RFX6: variants seen among roughly 807,000 people sequenced by gnomAD.
RFX6 encodes the protein DNA-binding protein RFX6.
A neutral mutation model predicts 110.8 loss-of-function variants in RFX6; 50 were observed. The observed-to-expected ratio is 0.45, with a 90% CI of 0.36 to 0.57. RFX6 has a LOEUF of 0.57. Among genes scored for constraint, RFX6 ranks in the 20% least tolerant of loss-of-function variants. The probability of loss-of-function intolerance (pLI) is 0.00; values close to 1 mark genes in which losing one functional copy is unlikely to be tolerated. For synonymous variants in RFX6, 383 were observed against 411.2 expected (o/e 0.93, Z 0.83); for missense variants, 990 against 1,127.0 (o/e 0.88, Z 1.74).
intron 4 of RFX6, chr6:116,885,179 T>C (rs1205803282): frequency 6.6e-6 from 1 of 152,194 alleles, no homozygotes; most frequent in Non-Finnish European, 1.5e-5. Context: ...GAATCTGATG[T>C]TTCCATGTAT....
Position 116,925,651 on chromosome 6 carries a change from C to A in RFX6, c.1877C>A (p.Pro626Gln). The A allele has an allele frequency of 5.0e-6, 8 of 1,611,952 alleles. No homozygotes were observed. The highest frequency in any genetic ancestry group is 6.8e-6 in the Non-Finnish European group (8 of 1,178,092). The change falls in exon 16 of 19, where the codon CCG becomes CAG. Residue 626 changes from proline to glutamine, a missense_variant. Physicochemically the swap from Pro to Gln is moderately conservative, Grantham distance 76. Coordinates refer to ENST00000332958, the MANE Select transcript of RFX6 (RefSeq NM_173560.4). ...CCTGCTGGGAACACAGACAACATGC[C>A]GCTCACAGGTACGCTAAAGAGAACT... The part of the protein sequence containing the change: ...QFPAGNTDNM[P>Q]LTGQMELSQI...
intron 4 of RFX6, among the ~76,000 whole-genome samples, chr6:116,890,317 C>A (rs1243639106): frequency 6.6e-6 from 1 of 152,136 alleles, no homozygotes; most frequent in Non-Finnish European, 1.5e-5. Context: ...CAATTCTTTG[C>A]ATGTAATAGA....
At chr6:116,921,815 CCTGT>C (rs1775603958) in intron 12 of RFX6, among the ~76,000 whole-genome samples, 1 of 151,850 alleles carries the variant, frequency 6.6e-6, no homozygotes, top group Non-Finnish European at 1.5e-5. Flanking sequence ...AAAGCAAGAT[CCTGT>C]CTCTCTCTCT....
chr6:116,923,416 A>G, intron 14 of RFX6, 192 bp downstream of exon 14: 1 of 582,304 alleles, frequency 1.7e-6, no homozygotes, highest in Non-Finnish European at 3.1e-6. Context: ...AATCCTAACA[A>G]TGATTGTCTC....
chr6:116,900,287 G>T (rs141800151), intron 6 of RFX6, among the ~76,000 whole-genome samples: 2,200 of 151,930 alleles, frequency 0.014, 47 homozygotes, highest in African/African-American at 0.051. Flanking sequence ...ATGGAGTCTT[G>T]CTCTGTCACC....
intron 4 of RFX6, among the ~76,000 whole-genome samples, chr6:116,885,720 G>GT (rs149496347): frequency 1.4e-3 from 206 of 151,412 alleles, no homozygotes; most frequent in East Asian, 0.013. Context: ...GTTTTATTAA[G>GT]TTTTTTTTTA....
At chr6:116,930,921 A>G (rs1188708973) in intron 18 of RFX6, among the ~76,000 whole-genome samples, 3 of 152,128 alleles carry the variant, frequency 2.0e-5, no homozygotes, top group African/African-American at 7.2e-5. Context: ...CAGCAATATC[A>G]TTCTGGTTGC....
chr6:116,899,173 A>G (rs376957025), intron 6 of RFX6, among the ~76,000 whole-genome samples: 1 of 149,930 alleles, frequency 6.7e-6, no homozygotes, highest in African/African-American at 2.4e-5. Flanking sequence ...GCCTATTTGG[A>G]AAAAAAAAAT....
chr6:116,924,243 T>G (rs545910582), intron 14 of RFX6, among the ~76,000 whole-genome samples: 2 of 152,202 alleles, frequency 1.3e-5, no homozygotes, highest in Non-Finnish European at 2.9e-5. Flanking sequence ...TTACTTGACT[T>G]TTTTCAGACC....
chr6:116,921,587 G>C (rs1223208778), intron 12 of RFX6, among the ~76,000 whole-genome samples: 4 of 152,074 alleles, frequency 2.6e-5, no homozygotes, highest in African/African-American at 9.7e-5. Context: ...AGAGGCTGAG[G>C]TGGGAAGATT....
chr6:116,920,571 T>A, intron 12 of RFX6, 117 bp downstream of exon 12: 1 of 866,570 alleles, frequency 1.2e-6, no homozygotes, highest in East Asian at 2.5e-5. Context: ...TTTAGCAGCA[T>A]CCTTGACCTT....
intron 1 of RFX6, 127 bp downstream of exon 1, chr6:116,877,625 T>C (rs1458424572): frequency 9.4e-7 from 1 of 1,062,052 alleles, no homozygotes; most frequent in Non-Finnish European, 1.4e-6. Flanking sequence ...CAAATCTTTG[T>C]ATTTCCTCAG....
At chr6:116,887,967 C>T (rs1464994678) in intron 4 of RFX6, among the ~76,000 whole-genome samples, 1 of 152,120 alleles carries the variant, frequency 6.6e-6, no homozygotes, top group East Asian at 1.9e-4. Context: ...TTTTTGTAGA[C>T]TTTGATCAGC....
chr6:116,928,904 T>C lies in RFX6; in HGVS notation c.2544T>C (p.Gly848=), dbSNP rs778879048. 17 of 1,613,744 alleles carry C rather than the reference T, an allele frequency of 1.1e-5. No individual in the cohort carries two copies. Among genetic ancestry groups the C allele is most frequent in the Non-Finnish European group, 1.4e-5 (16 of 1,179,754 alleles). ...CACTTAACATTTTAGATGACAGTGG[T>C]AGAAAACAGACCAGCTCGTTTTACA... is the stretch of plus-strand genomic sequence containing the variant. ...HDPLNILDDS[G]RKQTSSFYTD... The change falls in exon 18 of 19, where the codon GGT becomes GGC. Residue 848 remains glycine (G), a synonymous_variant. Coordinates refer to ENST00000332958, the MANE Select transcript of RFX6 (RefSeq NM_173560.4).
chr6:116,929,332 G>T (rs1562150234), intron 18 of RFX6, among the ~76,000 whole-genome samples: 2 of 151,924 alleles, frequency 1.3e-5, no homozygotes, highest in African/African-American at 4.8e-5. Context: ...GATTAGTGTT[G>T]GACCCAGTTG....
At chr6:116,924,987 T>A (rs573425772) in intron 15 of RFX6, among the ~76,000 whole-genome samples, 196 bp downstream of exon 15, 1 of 152,326 alleles carries the variant, frequency 6.6e-6, no homozygotes, top group Admixed American at 6.5e-5. Flanking sequence ...TAGTCAAAAG[T>A]ACTTTACTGG....
At chr6:116,930,708 G>A (rs1164311436) in intron 18 of RFX6, among the ~76,000 whole-genome samples, 2 of 152,090 alleles carry the variant, frequency 1.3e-5, no homozygotes, top group African/African-American at 2.4e-5. Context: ...ATGCAGAACC[G>A]CTGAAATCAG....
intron 16 of RFX6, 128 bp from the exon 17 acceptor site, chr6:116,926,898 AT>A: frequency 2.4e-6 from 2 of 841,182 alleles, no homozygotes; most frequent in Non-Finnish European, 1.9e-6. Flanking sequence ...CAGTTTAGTT[AT>A]TTTTGGAGGG....
chr6:116,893,313 G>A (rs1774870174), intron 4 of RFX6, among the ~76,000 whole-genome samples: 1 of 152,270 alleles, frequency 6.6e-6, no homozygotes, highest in South Asian at 2.1e-4. Flanking sequence ...TGACTTAGGA[G>A]AATAAGCCAT....
Sources: gnomAD v4.1 joint callset for allele counts (sites outside exome capture counted in the v4.1 genomes callset) on GRCh38, gnomAD v4.1.1 for gene constraint, MANE v1.5 for transcripts, NCBI Gene and HGNC (gene_info 2026-07-23, HGNC 2026-07-21) for gene names.